Variants in STX8 observed in about 807,000 individuals in gnomAD.
STX8 encodes the protein syntaxin 8, also known as syntaxin-8.
A neutral mutation model predicts 37.5 loss-of-function variants in STX8; 23 were observed. The observed-to-expected ratio is 0.61, with a 90% CI of 0.44 to 0.87. The LOEUF is 0.87. STX8 is among the 40% of genes least tolerant of loss of function. STX8 has a pLI of 0.00. For synonymous variants in STX8, 115 were observed against 99.1 expected, an observed-to-expected ratio of 1.16 and a Z score of -0.95; for missense variants, 313 against 284.7, an observed-to-expected ratio of 1.10 and a Z score of -0.71.
chr17:9,452,276 C>T (rs1905066070), intron 6 of STX8: 1 of 151,200 alleles, frequency 6.6e-6, no homozygotes, highest in Admixed American at 6.6e-5. Flanking sequence ...CTTTCAAACA[C>T]AAGAGCACTT....
At chr17:9,318,274 C>T (rs1275430682) in intron 7 of STX8, among the ~76,000 whole-genome samples, 1 of 151,716 alleles carries the variant, frequency 6.6e-6, no homozygotes, top group East Asian at 1.9e-4. Flanking sequence ...CTCCCCCAGC[C>T]CCCCACCCAC....
rs1907028303 is a variant in STX8 at position 9,557,518 on chromosome 17, G to C, written c.128C>G (p.Thr43Arg). Residue 43 changes from threonine to arginine, a missense_variant, in exon 3 of 8, where the codon ACA becomes AGA. Coordinates refer to ENST00000306357, the MANE Select transcript of STX8 (RefSeq NM_004853.3). ...CAGGTTCTGCAACAAAGCTCTGATTGTCACGGTAAGCTGAAAAGAAAAGAA... is the reference window on the plus strand; with the variant it reads ...CAGGTTCTGCAACAAAGCTCTGATTCTCACGGTAAGCTGAAAAGAAAAGAA... Reference protein sequence around the residue: ...KGEKAPKLTVTIRALLQNLKE... With the variant: ...KGEKAPKLTVRIRALLQNLKE... The C allele has an allele frequency of 6.2e-7, 1 of 1,613,856 alleles. No individual in the cohort carries two copies. Among genetic ancestry groups the C allele is most frequent in the Non-Finnish European group, 8.5e-7 (1 of 1,179,910 alleles).
At chr17:9,504,973 CAAAAA>C in intron 5 of STX8, 60 bp downstream of exon 5, 2 of 708,674 alleles carry the variant, frequency 2.8e-6, no homozygotes, top group Non-Finnish European at 1.8e-6. Context: ...GACTCCGTCT[CAAAAA>C]AAAAAAAAAA....
intron 6 of STX8, among the ~76,000 whole-genome samples, chr17:9,451,978 G>A (rs2142403535): frequency 6.6e-6 from 1 of 152,218 alleles, no homozygotes; most frequent in East Asian, 1.9e-4. Flanking sequence ...TTAAAACATG[G>A]AAGGATTTAT....
intron 7 of STX8, among the ~76,000 whole-genome samples, chr17:9,342,311 T>C (rs997978617): frequency 3.3e-5 from 5 of 152,042 alleles, no homozygotes; most frequent in Admixed American, 6.6e-5. Context: ...GGCCCAGGGG[T>C]TGGGGACCCC....
intron 6 of STX8, among the ~76,000 whole-genome samples, chr17:9,454,292 TGG>T (rs1423062429): frequency 2.6e-5 from 4 of 152,182 alleles, no homozygotes; most frequent in Non-Finnish European, 5.9e-5. Context: ...ATGGAGATGC[TGG>T]ACACAGGGAT....
At chr17:9,458,325 A>ATT (rs1295694761) in intron 6 of STX8, among the ~76,000 whole-genome samples, 1 of 151,922 alleles carries the variant, frequency 6.6e-6, no homozygotes. Context: ...AATTTTTTGT[A>ATT]TTTTTAGTAG....
At chr17:9,448,627 C>T (rs774094102) in intron 6 of STX8, among the ~76,000 whole-genome samples, 14 of 152,178 alleles carry the variant, frequency 9.2e-5, no homozygotes, top group Admixed American at 2.0e-4. Flanking sequence ...CTATCTATAC[C>T]TATCTATGTA....
chr17:9,366,431 A>G (rs904471135), intron 7 of STX8, among the ~76,000 whole-genome samples: 2 of 151,980 alleles, frequency 1.3e-5, no homozygotes, highest in African/African-American at 4.8e-5. Flanking sequence ...GGGGTTTCAC[A>G]ATGTTGGCCA....
chr17:9,438,965 C>A (rs12451858), intron 6 of STX8, among the ~76,000 whole-genome samples: 27,032 of 151,996 alleles, frequency 0.18, 2,980 homozygotes, highest in Middle Eastern at 0.28. Context: ...AAACCATAGT[C>A]AAACAAACAT....
At chr17:9,286,318 C>T (rs1258868734) in intron 7 of STX8, among the ~76,000 whole-genome samples, 1 of 152,232 alleles carries the variant, frequency 6.6e-6, no homozygotes, top group Non-Finnish European at 1.5e-5. Flanking sequence ...CGATCTTTGA[C>T]TTCTAAATAT....
chr17:9,374,322 T>C (rs1048422573), intron 7 of STX8, among the ~76,000 whole-genome samples: 2 of 152,142 alleles, frequency 1.3e-5, no homozygotes, highest in Non-Finnish European at 2.9e-5. Context: ...CCTCAGGTGA[T>C]CCACATGCCT....
intron 6 of STX8, among the ~76,000 whole-genome samples, chr17:9,400,009 A>G (rs1443533568): frequency 6.6e-6 from 1 of 152,156 alleles, no homozygotes; most frequent in South Asian, 2.1e-4. Flanking sequence ...TTTATGATCC[A>G]GTTGAGTGTG....
At position 9,428,582 on chromosome 17, in the gene STX8, G is replaced by C. The variant is rs1025379154; in HGVS notation, c.542-49929C>G. Among the ~76,000 whole-genome samples, 2 of 152,300 alleles carry C rather than the reference G, an allele frequency of 1.3e-5. 1 individual carries two copies. The highest frequency in any genetic ancestry group is 1.3e-4 in the Admixed American group (2 of 15,304). ...CTCTCTTGAGGTGTGTTCACCCTGA[G>C]TGGATCAGTCTGATTTCTGGACAAG... On this transcript the variant is annotated intron_variant, in intron 6 of 7. Transcript: ENST00000306357.
intron 7 of STX8, among the ~76,000 whole-genome samples, chr17:9,374,937 G>A (rs549279295): frequency 7.5e-4 from 113 of 151,508 alleles, no homozygotes; most frequent in East Asian, 1.8e-3. Context: ...GGTGGTGCAC[G>A]CCTTAATCCC....
chr17:9,310,308 A>G (rs2080050810), intron 7 of STX8, among the ~76,000 whole-genome samples: 1 of 152,204 alleles, frequency 6.6e-6, no homozygotes, highest in African/African-American at 2.4e-5. Flanking sequence ...GGCATTCCAA[A>G]ATACAGCAGT....
intron 4 of STX8, among the ~76,000 whole-genome samples, chr17:9,524,500 G>A (rs1412079682): frequency 2.0e-5 from 3 of 152,140 alleles, no homozygotes; most frequent in Non-Finnish European, 4.4e-5. Flanking sequence ...GAGTCCTCAT[G>A]ACTTACTTCC....
intron 6 of STX8, among the ~76,000 whole-genome samples, chr17:9,403,356 T>G (rs1912691729): frequency 6.6e-6 from 1 of 152,190 alleles, no homozygotes; most frequent in Non-Finnish European, 1.5e-5. Context: ...GTACACACCA[T>G]GGCTCAGTTG....
chr17:9,527,185 CA>C (rs61665330), intron 4 of STX8, among the ~76,000 whole-genome samples: 12 of 49,630 alleles, frequency 2.4e-4, no homozygotes, highest in Admixed American at 7.4e-4. Context: ...GACTCCGTCT[CA>C]AAAAAAAAAA....
Sources: gnomAD v4.1 joint callset for allele counts (sites outside exome capture counted in the v4.1 genomes callset) on GRCh38, gnomAD v4.1.1 for gene constraint, MANE v1.5 for transcripts, NCBI Gene and HGNC (gene_info 2026-07-23, HGNC 2026-07-21) for gene names.